Variants in SFMBT1 observed in about 807,000 individuals in gnomAD.
The protein encoded by SFMBT1 is Scm like with four mbt domains 1.
SFMBT1 carries 32 observed loss-of-function variants against 108.7 expected under a neutral mutation model. That is an observed-to-expected ratio of 0.29 (90% CI 0.22 to 0.40). The LOEUF (loss-of-function observed/expected upper bound fraction) is 0.40, where lower values mean the gene tolerates loss of function less well. Ranked by LOEUF, SFMBT1 falls within the 10% of genes least tolerant of loss-of-function variation. The probability of loss-of-function intolerance (pLI) is 1.00; values close to 1 mark genes in which losing one functional copy is unlikely to be tolerated. For synonymous variants in SFMBT1, 348 were observed against 369.5 expected (o/e 0.94, Z 0.67); for missense variants, 816 against 1,059.6 (o/e 0.77, Z 3.19).
chr3:53,039,002 C>T (rs1263443184), intron 1 of SFMBT1, among the ~76,000 whole-genome samples: 1 of 152,170 alleles, frequency 6.6e-6, no homozygotes, highest in African/African-American at 2.4e-5. Flanking sequence ...CATCCTGAGA[C>T]CCAAAAGGCC....
intron 17 of SFMBT1, among the ~76,000 whole-genome samples, chr3:52,909,530 A>T (rs1329651917): frequency 6.6e-6 from 1 of 152,206 alleles, no homozygotes; most frequent in Non-Finnish European, 1.5e-5. Flanking sequence ...GGCATCTGGG[A>T]ACTTGTTGGA....
intron 4 of SFMBT1, 50 bp from the exon 5 acceptor site, chr3:52,934,951 G>A: frequency 6.7e-7 from 1 of 1,486,040 alleles, no homozygotes; most frequent in Non-Finnish European, 9.3e-7. Context: ...GCCACAGAAT[G>A]CAGAGAAACC....
At chr3:53,025,420 C>A (rs1559554006) in intron 1 of SFMBT1, among the ~76,000 whole-genome samples, 1 of 152,104 alleles carries the variant, frequency 6.6e-6, no homozygotes, top group East Asian at 1.9e-4. Context: ...CCAGCCTGGG[C>A]AATGTTGGGA....
intron 1 of SFMBT1, among the ~76,000 whole-genome samples, chr3:52,970,477 C>T (rs1021037202): frequency 1.3e-5 from 2 of 152,082 alleles, no homozygotes; most frequent in African/African-American, 4.8e-5. Context: ...TTTATATATA[C>T]ATGTAAAATA....
chr3:52,906,495 A>C (rs549546315), intron 19 of SFMBT1, among the ~76,000 whole-genome samples: 1 of 152,340 alleles, frequency 6.6e-6, no homozygotes, highest in East Asian at 1.9e-4. Context: ...AATTTAACTA[A>C]GAAAAACAGG....
intron 2 of SFMBT1, among the ~76,000 whole-genome samples, chr3:52,964,135 G>A (rs567177688): frequency 5.9e-5 from 9 of 152,252 alleles, no homozygotes; most frequent in African/African-American, 2.2e-4. Context: ...ATGCCACTGT[G>A]CCCAGCTAAA....
chr3:52,972,892 C>A (rs1052013961), intron 1 of SFMBT1, among the ~76,000 whole-genome samples: 4 of 151,274 alleles, frequency 2.6e-5, no homozygotes, highest in Non-Finnish European at 4.4e-5. Flanking sequence ...AGTGTGGTCG[C>A]GGGCACCTGT....
intron 1 of SFMBT1, among the ~76,000 whole-genome samples, chr3:53,040,247 C>T (rs13072818): frequency 0.086 from 13,148 of 152,122 alleles, 590 homozygotes; most frequent in East Asian, 0.12. Context: ...ACCTCAAATG[C>T]TTTTTTAAAA....
chr3:52,954,484 A>AATAAACCT, intron 2 of SFMBT1, 73 bp from the exon 3 acceptor site: 2 of 1,148,770 alleles, frequency 1.7e-6, no homozygotes, highest in Non-Finnish European at 2.5e-6. Context: ...ATATAAACTT[A>AATAAACCT]ATAAACCTAA....
rs769141435 is a variant in SFMBT1, at chr3:52,954,365, A to G, written c.75T>C (p.Tyr25=). The change falls in exon 3 of 21, where the codon TAT becomes TAC. Residue 25 remains tyrosine (Y), a synonymous_variant. Coordinates refer to ENST00000394752, the MANE Select transcript of SFMBT1 (RefSeq NM_016329.4). ...MEEVELSWED[Y]LEETGSTAVP... The stretch of plus-strand genomic sequence containing the variant: ...CTGCTGTGGACCCTGTTTCTTCTAG[A>G]TAATCTTCCCAGCTTAATTCTACCT... The G allele has an allele frequency of 6.2e-7, 1 of 1,613,968 alleles. No homozygotes were observed. Among genetic ancestry groups the G allele is most frequent in the Non-Finnish European group, 8.5e-7 (1 of 1,179,952 alleles).
At chr3:52,913,960 A>T (rs1702276082) in intron 14 of SFMBT1, among the ~76,000 whole-genome samples, 1 of 152,202 alleles carries the variant, frequency 6.6e-6, no homozygotes, top group Non-Finnish European at 1.5e-5. Flanking sequence ...TTTCTTTTCC[A>T]GGTCTTCAAA....
At chr3:53,025,998 G>A (rs2106949803) in intron 1 of SFMBT1, among the ~76,000 whole-genome samples, 1 of 152,334 alleles carries the variant, frequency 6.6e-6, no homozygotes. Flanking sequence ...AATATTGCGT[G>A]CAAATGGATG....
intron 11 of SFMBT1, among the ~76,000 whole-genome samples, chr3:52,921,337 T>C (rs544309544): frequency 1.3e-5 from 2 of 152,280 alleles, no homozygotes; most frequent in South Asian, 2.1e-4. Context: ...TTCTACTCTA[T>C]ATACTTTTTG....
chr3:52,973,046 A>G (rs1430034253), intron 1 of SFMBT1, among the ~76,000 whole-genome samples: 2 of 152,138 alleles, frequency 1.3e-5, no homozygotes, highest in Admixed American at 1.3e-4. Context: ...AGAAAGAGTT[A>G]TTCATTTAAA....
At chr3:52,935,369 C>A (rs1466645920) in intron 4 of SFMBT1, among the ~76,000 whole-genome samples, 1 of 152,194 alleles carries the variant, frequency 6.6e-6, no homozygotes, top group Non-Finnish European at 1.5e-5. Flanking sequence ...GGAACATGGC[C>A]ATACCCATTT....
At chr3:52,947,917 T>C (rs1282636178) in intron 3 of SFMBT1, among the ~76,000 whole-genome samples, 2 of 152,064 alleles carry the variant, frequency 1.3e-5, no homozygotes, top group Non-Finnish European at 2.9e-5. Flanking sequence ...GTATTTTTAG[T>C]AGAGATGGGG....
intron 9 of SFMBT1, among the ~76,000 whole-genome samples, chr3:52,927,835 G>A (rs1702705466): frequency 6.6e-6 from 1 of 152,102 alleles, no homozygotes; most frequent in Admixed American, 6.5e-5. Flanking sequence ...AGCCCCCAGT[G>A]CTTGCTGTGC....
At chr3:53,004,212 T>C (rs1417664555) in intron 1 of SFMBT1, among the ~76,000 whole-genome samples, 8 of 145,844 alleles carry the variant, frequency 5.5e-5, no homozygotes, top group African/African-American at 1.5e-4. Context: ...TTCCCTTCCT[T>C]CCTCCCTCCC....
intron 1 of SFMBT1, among the ~76,000 whole-genome samples, chr3:53,008,299 C>G (rs1698818088): frequency 6.6e-6 from 1 of 152,178 alleles, no homozygotes; most frequent in South Asian, 2.1e-4. Flanking sequence ...ATCAGGCGGA[C>G]AACTCCAACG....
Sources: gnomAD v4.1 joint callset for allele counts (sites outside exome capture counted in the v4.1 genomes callset) on GRCh38, gnomAD v4.1.1 for gene constraint, MANE v1.5 for transcripts, NCBI Gene and HGNC (gene_info 2026-07-23, HGNC 2026-07-21) for gene names.